The following ATXN10 variants were observed in gnomAD, a reference collection of about 807,000 sequenced individuals.
ATXN10 encodes the protein ataxin 10, also known as ataxin-10.
In ATXN10, 28 loss-of-function variants were observed where a neutral mutation model predicts 52.9. The observed-to-expected ratio is 0.53, with a 90% CI of 0.39 to 0.73. ATXN10 has a LOEUF of 0.73. ATXN10 is among the 30% of genes least tolerant of loss of function. The pLI, the probability that ATXN10 is intolerant of heterozygous loss-of-function variation, is 0.00. For missense variants in ATXN10, 565 were observed against 577.0 expected, an observed-to-expected ratio of 0.98 and a Z score of 0.21; for synonymous variants, 226 against 221.5, an observed-to-expected ratio of 1.02 and a Z score of -0.18.
chr22:45,798,013 T>G (rs1423706726), intron 9 of ATXN10, among the ~76,000 whole-genome samples: 1 of 152,230 alleles, frequency 6.6e-6, no homozygotes, highest in Non-Finnish European at 1.5e-5. Flanking sequence ...TAAATATTTT[T>G]AAAAATTAAA....
intron 4 of ATXN10, among the ~76,000 whole-genome samples, chr22:45,702,020 G>T (rs1196515969): frequency 6.6e-6 from 1 of 152,120 alleles, no homozygotes; most frequent in Non-Finnish European, 1.5e-5. Context: ...AACCAAATTT[G>T]AATTCCAGTT....
rs1190888772 is a variant in ATXN10, at chr22:45,826,645, CA to C, written c.1238-16341del. On this transcript the variant is annotated intron_variant, in intron 10 of 11. Transcript: ENST00000252934. This position sits in a 1 kb window ranked among gnomAD's most constrained non-coding sequence, Gnocchi z 5.0. Reference sequence around the variant, plus strand: ...GCAGTGGGCCAAAATGTTCAAAGTGCAAAAAGAAAAAACTGTCAACTAAGAA... The same window carrying C: ...GCAGTGGGCCAAAATGTTCAAAGTGCAAAAGAAAAAACTGTCAACTAAGAA... Among the ~76,000 whole-genome samples, 3 of 152,020 alleles carry C rather than the reference CA, an allele frequency of 2.0e-5. No individual in the cohort carries two copies. Among genetic ancestry groups the C allele is most frequent in the African/African-American group, 7.2e-5 (3 of 41,400 alleles).
Position 45,824,082 on chromosome 22 carries a change from G to A in ATXN10, c.1237+17060G>A, listed in dbSNP as rs777508073. 6.6e-6 allele frequency among the ~76,000 whole-genome samples: 1 copy of A among 152,184 alleles called. No homozygotes were observed. Among genetic ancestry groups the A allele is most frequent in the Non-Finnish European group, 1.5e-5 (1 of 68,038 alleles). On this transcript the variant is annotated intron_variant, in intron 10 of 11. Coordinates refer to ENST00000252934, the MANE Select transcript of ATXN10 (RefSeq NM_013236.4). This position sits in a 1 kb window ranked among gnomAD's most constrained non-coding sequence, Gnocchi z 5.2. Reference sequence around the variant, plus strand: ...TGGGTATGCAGTAAGTTCTGGAGCAGGGACTTACCTTCCTACCTTCCTTTG... The same window carrying A: ...TGGGTATGCAGTAAGTTCTGGAGCAAGGACTTACCTTCCTACCTTCCTTTG...
rs187961181 is a variant in ATXN10 at position 45,789,362 on chromosome 22, G to A, written c.1174-17597G>A. Among the ~76,000 whole-genome samples, 475 of 152,254 alleles carry A rather than the reference G, an allele frequency of 3.1e-3. 3 individuals carry two copies. Among genetic ancestry groups the A allele is most frequent in the Non-Finnish European group, 4.1e-3 (276 of 68,010 alleles). Reference sequence around the variant, plus strand: ...GAAGGTGAGCTTTTGCTTCTCACGCGCATATATTTTTTTTCCGCAAATCAT... The same window carrying A: ...GAAGGTGAGCTTTTGCTTCTCACGCACATATATTTTTTTTCCGCAAATCAT... On this transcript the variant is annotated intron_variant, in intron 9 of 11. Transcript: ENST00000252934. The surrounding 1 kb of genome is among the most constrained non-coding windows in gnomAD (Gnocchi z 4.0).
Position 45,708,815 on chromosome 22 carries a change from A to C in ATXN10, c.647+5968A>C, listed in dbSNP as rs1409982399. ...CCACCACGCCTGGCTAATTTTTTGT[A>C]TTTTTGGTAGAGATGGGGTTTCATC... On this transcript the variant is annotated intron_variant, in intron 5 of 11. Transcript: ENST00000252934. This position sits in a 1 kb window ranked among gnomAD's most constrained non-coding sequence, Gnocchi z 5.3. Among the ~76,000 whole-genome samples the C allele has an allele frequency of 6.6e-6, 1 of 151,842 alleles. No homozygotes were observed. The highest frequency in any genetic ancestry group is 1.5e-5 in the Non-Finnish European group (1 of 67,950).
chr22:45,745,286 A>C (rs558162281), intron 9 of ATXN10, among the ~76,000 whole-genome samples: 8 of 152,288 alleles, frequency 5.3e-5, no homozygotes, highest in African/African-American at 9.6e-5. Context: ...CCAAACGTTT[A>C]TTTCATAAAG....
intron 9 of ATXN10, among the ~76,000 whole-genome samples, chr22:45,760,022 A>G (rs1393543525): frequency 3.3e-5 from 5 of 152,206 alleles, no homozygotes; most frequent in Admixed American, 3.3e-4. Context: ...GAAAGGAAGG[A>G]GGAACAGGGG....
rs1321127011 is a variant in ATXN10 at position 45,833,817 on chromosome 22, G to A, written c.1238-9174G>A. ...AGAAGAACTGCTCTGCCCTCCAGAGGTCTCTCTGGATGGACTGGTCGCGAG... is the reference window on the plus strand; with the variant it reads ...AGAAGAACTGCTCTGCCCTCCAGAGATCTCTCTGGATGGACTGGTCGCGAG... On this transcript the variant is annotated intron_variant, in intron 10 of 11. Coordinates refer to ENST00000252934, the MANE Select transcript of ATXN10 (RefSeq NM_013236.4). This position sits in a 1 kb window ranked among gnomAD's most constrained non-coding sequence, Gnocchi z 4.3. 6.6e-6 allele frequency among the ~76,000 whole-genome samples: 1 copy of A among 152,134 alleles called. No individual in the cohort carries two copies. The highest frequency in any genetic ancestry group is 2.4e-5 in the African/African-American group (1 of 41,416).
rs1408146326 is a variant in ATXN10 at position 45,786,490 on chromosome 22, C to T, written c.1174-20469C>T. Among the ~76,000 whole-genome samples, 4 of 152,192 alleles carry T rather than the reference C, an allele frequency of 2.6e-5. No individual in the cohort carries two copies. The highest frequency in any genetic ancestry group is 3.8e-4 in the East Asian group (2 of 5,200). The stretch of plus-strand genomic sequence containing the variant: ...CAGTCCTTGTGTGCGAAGCTGGGCG[C>T]CAGTGCAGCCCGCACTTTATCACCC... On this transcript the variant is annotated intron_variant, in intron 9 of 11. Coordinates refer to ENST00000252934, the MANE Select transcript of ATXN10 (RefSeq NM_013236.4). The surrounding 1 kb of genome is among the most constrained non-coding windows in gnomAD (Gnocchi z 4.1).
chr22:45,843,734 G>T lies in ATXN10; in HGVS notation c.*63G>T. The T allele has an allele frequency of 6.6e-7, 1 of 1,510,016 alleles. No individual in the cohort carries two copies. The highest frequency in any genetic ancestry group is 2.3e-5 in the East Asian group (1 of 44,294). The allele number at this position is 1,510,016 out of a possible 1,614,324, so 93.5% of individuals were successfully genotyped here. ...TTTCATGGATTTTTCATCTTCTACC[G>T]TATGTGAAATTGCAAGTGTTTGAAG... is the stretch of plus-strand genomic sequence containing the variant. On this transcript the variant is annotated 3_prime_UTR_variant, in exon 12 of 12. Coordinates refer to ENST00000252934, the MANE Select transcript of ATXN10 (RefSeq NM_013236.4). This position sits in a 1 kb window ranked among gnomAD's most constrained non-coding sequence, Gnocchi z 4.5.
intron 9 of ATXN10, chr22:45,740,816 C>T (rs1925503940): frequency 5.2e-6 from 1 of 192,808 alleles, no homozygotes; most frequent in Non-Finnish European, 1.1e-5. Context: ...ATTTCTAACA[C>T]ACAGTAGATA....
At position 45,780,187 on chromosome 22, in the gene ATXN10, G is replaced by A. The variant is rs967724938; in HGVS notation, c.1174-26772G>A. 4.0e-5 allele frequency among the ~76,000 whole-genome samples: 6 copies of A among 151,856 alleles called. No individual in the cohort carries two copies. Among genetic ancestry groups the A allele is most frequent in the African/African-American group, 9.7e-5 (4 of 41,292 alleles). On this transcript the variant is annotated intron_variant, in intron 9 of 11. Transcript: ENST00000252934. This position sits in a 1 kb window ranked among gnomAD's most constrained non-coding sequence, Gnocchi z 4.0. ...CAACCTCCACCTCCCAGGTTCAAGC[G>A]ATTACCCTGCTTCAGCCTCCTGAGT...
At chr22:45,704,417 G>A (rs1250206813) in intron 5 of ATXN10, among the ~76,000 whole-genome samples, 1 of 151,890 alleles carries the variant, frequency 6.6e-6, no homozygotes, top group South Asian at 2.1e-4. Context: ...TCCATGAATA[G>A]AGGATATTCA....
At position 45,740,664 on chromosome 22, in the gene ATXN10, T is replaced by C. The variant is rs192492680; in HGVS notation, c.1173+126T>C. ...AGAAAGTAGCTTGGATAGAGAGATA[T>C]ATATTTTATATGAATACACACACAC... On this transcript the variant is annotated intron_variant, in intron 9 of 11. Coordinates refer to ENST00000252934, the MANE Select transcript of ATXN10 (RefSeq NM_013236.4). The C allele has an allele frequency of 4.9e-3, 3,290 of 674,380 alleles. 15 individuals are homozygous for C. The highest frequency in any genetic ancestry group is 7.0e-3 in the Non-Finnish European group (2,666 of 383,116). 41.8% of individuals were successfully genotyped at this position (674,380 alleles called of 1,614,324 possible). A position where few individuals can be genotyped will look rare whatever the true frequency, so the allele number is the denominator to read the frequency against.
At chr22:45,804,513 C>A (rs1430207956) in intron 9 of ATXN10, among the ~76,000 whole-genome samples, 1 of 152,154 alleles carries the variant, frequency 6.6e-6, no homozygotes, top group Non-Finnish European at 1.5e-5. Context: ...AGCTGGAGAT[C>A]TGGTTTCTTT....
rs1033407999 is a variant in ATXN10 at position 45,690,258 on chromosome 22, A to G, written c.308+355A>G. Among the ~76,000 whole-genome samples the G allele has an allele frequency of 1.3e-5, 2 of 150,828 alleles. No individual in the cohort carries two copies. Among genetic ancestry groups the G allele is most frequent in the Admixed American group, 6.6e-5 (1 of 15,062 alleles). On this transcript the variant is annotated intron_variant, in intron 2 of 11. Transcript: ENST00000252934. The surrounding 1 kb of genome is among the most constrained non-coding windows in gnomAD (Gnocchi z 4.5). ...ATGCCATTGCTGCAGGCTGGGCCACATTGTGAGACCCTGTCTCAGGGAAAA... is the reference window on the plus strand; with the variant it reads ...ATGCCATTGCTGCAGGCTGGGCCACGTTGTGAGACCCTGTCTCAGGGAAAA...
rs893605935 is a variant in ATXN10 at position 45,762,354 on chromosome 22, C to G, written c.1173+21816C>G. Among the ~76,000 whole-genome samples, 3 of 152,188 alleles carry G rather than the reference C, an allele frequency of 2.0e-5. No individual in the cohort carries two copies. The highest frequency in any genetic ancestry group is 4.4e-5 in the Non-Finnish European group (3 of 68,040). On this transcript the variant is annotated intron_variant, in intron 9 of 11. Transcript: ENST00000252934. This position sits in a 1 kb window ranked among gnomAD's most constrained non-coding sequence, Gnocchi z 4.3. ...AGGCACTCCCGCTTCATGACTACATCTCATTTTTTATTTATCTTTGTTATG... is the reference window on the plus strand; with the variant it reads ...AGGCACTCCCGCTTCATGACTACATGTCATTTTTTATTTATCTTTGTTATG...
intron 6 of ATXN10, among the ~76,000 whole-genome samples, chr22:45,726,705 T>C (rs1300297372): frequency 2.6e-5 from 4 of 152,196 alleles, no homozygotes; most frequent in Non-Finnish European, 5.9e-5. Flanking sequence ...TTGTTCTTCT[T>C]GAGACAGGGT....
At chr22:45,814,086 G>A (rs1202339460) in intron 10 of ATXN10, among the ~76,000 whole-genome samples, 1 of 152,212 alleles carries the variant, frequency 6.6e-6, no homozygotes, top group African/African-American at 2.4e-5. Flanking sequence ...AGACCTCAGT[G>A]TGAATGGTAA....
Sources: allele counts gnomAD v4.1 joint callset (sites outside exome capture counted in the v4.1 genomes callset), GRCh38; gene constraint gnomAD v4.1.1; non-coding constraint Gnocchi (gnomAD v3.1); transcripts MANE v1.5; gene names NCBI Gene and HGNC (gene_info 2026-07-23, HGNC 2026-07-21).